The following IGFBP5 variants were observed in gnomAD, a reference collection of about 807,000 sequenced individuals.
The protein encoded by IGFBP5 is insulin like growth factor binding protein 5, also known as insulin-like growth factor-binding protein 5.
Under a neutral mutation model 28.0 loss-of-function variants are expected in IGFBP5, and 12 were observed. That is an observed-to-expected ratio of 0.43 (90% confidence interval 0.27 to 0.69). IGFBP5 has a LOEUF of 0.69. Among genes scored for constraint, IGFBP5 ranks in the 30% least tolerant of loss-of-function variants. The pLI, the probability that IGFBP5 is intolerant of heterozygous loss-of-function variation, is 0.20. For synonymous variants in IGFBP5, 152 were observed against 150.2 expected, an observed-to-expected ratio of 1.01 and a Z score of -0.09; for missense variants, 344 against 381.6, an observed-to-expected ratio of 0.90 and a Z score of 0.82.
chr2:216,680,143 G>C (rs11575188), intron 1 of IGFBP5, among the ~76,000 whole-genome samples: 2 of 152,112 alleles, frequency 1.3e-5, no homozygotes, highest in African/African-American at 4.8e-5. Flanking sequence ...GGCGGGCAGC[G>C]TGTGGCCAGG....
At chr2:216,681,916 A>ACAG (rs1688981680) in intron 1 of IGFBP5, among the ~76,000 whole-genome samples, 1 of 152,044 alleles carries the variant, frequency 6.6e-6, no homozygotes, top group African/African-American at 2.4e-5. Context: ...GGTTTGATAA[A>ACAG]CCTTGGGGTA....
At chr2:216,685,617 AG>A (rs1237146774) in intron 1 of IGFBP5, among the ~76,000 whole-genome samples, 1 of 152,206 alleles carries the variant, frequency 6.6e-6, no homozygotes, top group African/African-American at 2.4e-5. Context: ...TGGAAGCATG[AG>A]GGATTGGCTG....
Position 216,673,275 on chromosome 2 carries a change from T to G in IGFBP5, c.*3476A>C, listed in dbSNP as rs1274046836. 2 of 152,118 alleles carry G rather than the reference T, an allele frequency of 1.3e-5. No homozygotes were observed. Among genetic ancestry groups the G allele is most frequent in the African/African-American group, 2.4e-5 (1 of 41,260 alleles). 9.4% of individuals were successfully genotyped at this position (152,118 alleles called of 1,614,324 possible). On this transcript the variant is annotated 3_prime_UTR_variant, in exon 4 of 4. Coordinates refer to ENST00000233813, the MANE Select transcript of IGFBP5 (RefSeq NM_000599.4). The surrounding 1 kb of genome is among the most constrained non-coding windows in gnomAD (Gnocchi z 4.3). ...GGCCACAGAGGTGGTGGTGGGGAGATGGGGTGGGAGAGAAGGGGCATGATC... is the reference window on the plus strand; with the variant it reads ...GGCCACAGAGGTGGTGGTGGGGAGAGGGGGTGGGAGAGAAGGGGCATGATC...
Position 216,694,591 on chromosome 2 carries a change from G to A in IGFBP5, c.185C>T (p.Ala62Val). The A allele has an allele frequency of 1.9e-6, 3 of 1,550,256 alleles. No individual in the cohort carries two copies. Among genetic ancestry groups the A allele is most frequent in the Non-Finnish European group, 2.6e-6 (3 of 1,149,350 alleles). ...GCGCCMTCALAEGQSCGVYTE... is the reference protein window; with the variant it reads ...GCGCCMTCALVEGQSCGVYTE... ...GTAGACGCCGCACGACTGCCCCTCG[G>A]CCAGGGCGCAGGTCATGCAGCAGCC... Residue 62 changes from alanine (A) to valine (V), a missense_variant, in exon 1 of 4, where the codon GCC (alanine) becomes GTC (valine). Coordinates refer to ENST00000233813, the MANE Select transcript of IGFBP5 (RefSeq NM_000599.4). The surrounding 1 kb of genome is among the most constrained non-coding windows in gnomAD (Gnocchi z 5.2).
intron 1 of IGFBP5, among the ~76,000 whole-genome samples, chr2:216,681,484 C>T (rs1026827530): frequency 1.3e-5 from 2 of 152,184 alleles, no homozygotes; most frequent in Admixed American, 6.5e-5. Flanking sequence ...GGAGAGCCAA[C>T]ACATTGTCAC....
Position 216,694,655 on chromosome 2 carries a change from T to C in IGFBP5, c.121A>G (p.Ser41Gly). ...DEKALSMCPPSPLGCELVKEP... is the reference protein window; with the variant it reads ...DEKALSMCPPGPLGCELVKEP... Reference sequence around the variant, plus strand: ...TTGACCAGCTCGCAGCCCAGGGGGCTGGGGGGGCACATGGAGAGGGCTTTC... The same window carrying C: ...TTGACCAGCTCGCAGCCCAGGGGGCCGGGGGGGCACATGGAGAGGGCTTTC... The change falls in exon 1 of 4, where the codon AGC becomes GGC. Residue 41 changes from serine (S) to glycine (G), a missense_variant. Transcript: ENST00000233813. This position sits in a 1 kb window ranked among gnomAD's most constrained non-coding sequence, Gnocchi z 5.2. 1 of 1,527,380 alleles carries C rather than the reference T, an allele frequency of 6.5e-7. No individual in the cohort carries two copies. The highest frequency in any genetic ancestry group is 8.8e-7 in the Non-Finnish European group (1 of 1,140,440). The allele number at this position is 1,527,380 out of a possible 1,614,324, so 94.6% of individuals were successfully genotyped here.
In IGFBP5 at chr2:216,694,310, C is replaced by A. The variant is rs1372853305; in HGVS notation, c.337+129G>T. The A allele has an allele frequency of 1.4e-6, 1 of 722,148 alleles. No homozygotes were observed. The highest frequency in any genetic ancestry group is 2.2e-6 in the Non-Finnish European group (1 of 464,808). The allele number at this position is 722,148 out of a possible 1,614,324, so 44.7% of individuals were successfully genotyped here. On this transcript the variant is annotated intron_variant, in intron 1 of 3. Coordinates refer to ENST00000233813, the MANE Select transcript of IGFBP5 (RefSeq NM_000599.4). This position sits in a 1 kb window ranked among gnomAD's most constrained non-coding sequence, Gnocchi z 5.2. ...GGGCTCCAATTCCGGGGTGCAAGGA[C>A]CCTCCCCGACTACTCCCGAGCTGCA...
chr2:216,694,735 T>C lies in IGFBP5; in HGVS notation c.41A>G (p.Tyr14Cys), dbSNP rs1689147429. Reference protein sequence around the residue: ...LTAVLLLLAAYAGPAQSLGSF... With the variant: ...LTAVLLLLAACAGPAQSLGSF... ...GCCCAGGCTCTGGGCCGGCCCCGCATAGGCGGCCAGCAGCAGGAGGACCGC... is the reference window on the plus strand; with the variant it reads ...GCCCAGGCTCTGGGCCGGCCCCGCACAGGCGGCCAGCAGCAGGAGGACCGC... Residue 14 changes from tyrosine (Y) to cysteine (C), a missense_variant, in exon 1 of 4, where the codon TAT becomes TGT. Transcript: ENST00000233813. The surrounding 1 kb of genome is among the most constrained non-coding windows in gnomAD (Gnocchi z 5.2). The C allele has an allele frequency of 6.9e-7, 1 of 1,448,708 alleles. No homozygotes were observed. 89.7% of individuals were successfully genotyped at this position (1,448,708 alleles called of 1,614,324 possible).
At chr2:216,681,960 A>T (rs1200286723) in intron 1 of IGFBP5, among the ~76,000 whole-genome samples, 1 of 152,120 alleles carries the variant, frequency 6.6e-6, no homozygotes, top group Non-Finnish European at 1.5e-5. Context: ...CTTTTCTTTG[A>T]AAGTGTTCAA....
intron 1 of IGFBP5, among the ~76,000 whole-genome samples, chr2:216,686,275 C>T (rs1469041866): frequency 6.6e-6 from 1 of 152,186 alleles, no homozygotes; most frequent in Non-Finnish European, 1.5e-5. Context: ...TAGTGGATAA[C>T]CATTCAGAAT....
At chr2:216,689,274 A>G (rs1277552121) in intron 1 of IGFBP5, among the ~76,000 whole-genome samples, 1 of 152,240 alleles carries the variant, frequency 6.6e-6, no homozygotes, top group Admixed American at 6.5e-5. Flanking sequence ...TGTCATGTAG[A>G]AAATGAGGTT....
Position 216,692,387 on chromosome 2 carries a change from G to A in IGFBP5, c.337+2052C>T, listed in dbSNP as rs11575133. Among the ~76,000 whole-genome samples, 99 of 150,732 alleles carry A rather than the reference G, an allele frequency of 6.6e-4. No individual in the cohort carries two copies. The East Asian group carries it at 0.018, about 27-fold the overall frequency. On this transcript the variant is annotated intron_variant, in intron 1 of 3. Coordinates refer to ENST00000233813, the MANE Select transcript of IGFBP5 (RefSeq NM_000599.4). This position sits in a 1 kb window ranked among gnomAD's most constrained non-coding sequence, Gnocchi z 4.2. ...CGTGTGTGTGTGTGTGTGTGTGTGT[G>A]TGTGTGTGTGTGTGTGATGCGCCCT...
intron 1 of IGFBP5, among the ~76,000 whole-genome samples, chr2:216,684,518 G>C (rs1347232030): frequency 6.6e-6 from 1 of 152,062 alleles, no homozygotes; most frequent in Non-Finnish European, 1.5e-5. Context: ...GCTTTGCCAG[G>C]CCACCCAGAC....
Position 216,672,307 on chromosome 2 carries a change from T to TTTG in IGFBP5, c.*4443_*4444insCAA, listed in dbSNP as rs1553549923. ...GAGCTCTTCCGCATTCAGGTGTTTT[T>TTTG]TTTTTTTTTTTCGGCTTTTTTTTTT... On this transcript the variant is annotated 3_prime_UTR_variant, in exon 4 of 4. Coordinates refer to ENST00000233813, the MANE Select transcript of IGFBP5 (RefSeq NM_000599.4). The TTTG allele has an allele frequency of 3.3e-5, 5 of 150,992 alleles. No homozygotes were observed. The highest frequency in any genetic ancestry group is 1.2e-4 in the African/African-American group (5 of 40,818). 9.4% of individuals were successfully genotyped at this position (150,992 alleles called of 1,614,324 possible).
In IGFBP5 at chr2:216,676,709, TG is replaced by T. The variant is rs1559185555; in HGVS notation, c.*41del. 4 of 914,926 alleles carry T rather than the reference TG, an allele frequency of 4.4e-6. No homozygotes were observed. The highest frequency in any genetic ancestry group is 3.3e-5 in the Admixed American group (1 of 30,182). The allele number at this position is 914,926 out of a possible 1,614,324, so 56.7% of individuals were successfully genotyped here. A position where few individuals can be genotyped will look rare whatever the true frequency, so the allele number is the denominator to read the frequency against. ...GGGAGGCGCTGGCTGGAGTCGGGGC[TG>T]GGGGTGGGAGGGGGTGAGGGAAAGG... On this transcript the variant is annotated 3_prime_UTR_variant, in exon 4 of 4. Transcript: ENST00000233813.
Position 216,695,018 on chromosome 2 carries a change from G to A in IGFBP5, c.-243C>T, listed in dbSNP as rs2106228504. ...GCCTTGCAACAGGTTGGGGGAAGCA[G>A]GGCAGCGCCAGGTGCACGCAGTGAG... On this transcript the variant is annotated 5_prime_UTR_variant, in exon 1 of 4. Transcript: ENST00000233813. 2.7e-6 allele frequency: 1 copy of A among 363,788 alleles called. No individual in the cohort carries two copies. Among genetic ancestry groups the A allele is most frequent in the East Asian group, 4.0e-5 (1 of 24,928 alleles). The allele number at this position is 363,788 out of a possible 1,614,324, so 22.5% of individuals were successfully genotyped here. A position where few individuals can be genotyped will look rare whatever the true frequency, so the allele number is the denominator to read the frequency against.
At chr2:216,689,169 G>A (rs1481681552) in intron 1 of IGFBP5, among the ~76,000 whole-genome samples, 2 of 152,150 alleles carry the variant, frequency 1.3e-5, no homozygotes, top group Non-Finnish European at 2.9e-5. Context: ...TGTTGGAAGC[G>A]GGCCACTTCT....
intron 1 of IGFBP5, among the ~76,000 whole-genome samples, chr2:216,682,910 G>C (rs1222505250): frequency 6.6e-6 from 1 of 151,812 alleles, no homozygotes; most frequent in Non-Finnish European, 1.5e-5. Flanking sequence ...GGGTTTCACC[G>C]TGTTAGCCAG....
In IGFBP5 at chr2:216,679,152, G is replaced by T; in HGVS notation, c.338-73C>A. ...CACGGCCAGAGCCCAGGGCTGGGCA[G>T]TTTGGGGTGAGGGGAGTAATAAAGG... On this transcript the variant is annotated intron_variant, in intron 1 of 3. Coordinates refer to ENST00000233813, the MANE Select transcript of IGFBP5 (RefSeq NM_000599.4). The surrounding 1 kb of genome is among the most constrained non-coding windows in gnomAD (Gnocchi z 4.6). The T allele has an allele frequency of 8.0e-7, 1 of 1,245,642 alleles. No individual in the cohort carries two copies. The highest frequency in any genetic ancestry group is 1.2e-6 in the Non-Finnish European group (1 of 852,228). The allele number at this position is 1,245,642 out of a possible 1,614,324, so 77.2% of individuals were successfully genotyped here.
Sources: gnomAD v4.1 joint callset for allele counts (sites outside exome capture counted in the v4.1 genomes callset) on GRCh38, gnomAD v4.1.1 for gene constraint, Gnocchi (gnomAD v3.1) non-coding constraint, MANE v1.5 for transcripts, NCBI Gene and HGNC (gene_info 2026-07-23, HGNC 2026-07-21) for gene names.